ZYG11B: variants seen among roughly 807,000 people sequenced by gnomAD.
ZYG11B encodes the protein protein zyg-11 homolog B.
A neutral mutation model predicts 82.4 loss-of-function variants in ZYG11B; 36 were observed. That is an observed-to-expected ratio of 0.44 (90% CI 0.33 to 0.58). ZYG11B has a LOEUF of 0.58. Ranked by LOEUF, ZYG11B falls within the 20% of genes least tolerant of loss-of-function variation. The pLI, the probability that ZYG11B is intolerant of heterozygous loss-of-function variation, is 0.02. For synonymous variants in ZYG11B, 303 were observed against 312.8 expected (o/e 0.97, Z 0.33); for missense variants, 552 against 895.6 (o/e 0.62, Z 4.90).
rs568779294 is a variant in ZYG11B at position 52,794,035 on chromosome 1, C to T, written c.1335-2257C>T. ...CTGTCGCCAGGCTGGAGTGCAGTGG[C>T]GTGATCTCAGCTCACTGCAGCCTCT... On this transcript the variant is annotated intron_variant, in intron 6 of 13. Coordinates refer to ENST00000294353, the MANE Select transcript of ZYG11B (RefSeq NM_024646.3). Among the ~76,000 whole-genome samples the T allele has an allele frequency of 7.3e-5, 11 of 151,718 alleles. 1 individual carries two copies. In the South Asian group the frequency reaches 1.7e-3, roughly 23 times the overall value.
In ZYG11B at chr1:52,801,805, T is replaced by G. The variant is rs72895408; in HGVS notation, c.1486-14T>G. On this transcript the variant is annotated splice_polypyrimidine_tract_variant and intron_variant, in intron 8 of 13. Coordinates refer to ENST00000294353, the MANE Select transcript of ZYG11B (RefSeq NM_024646.3). ...TCAAAAGTGAAAACTTATTTCTGTT[T>G]TTTTTTTTTTCAGCAACTTCTTCAA... 10,907 of 1,564,856 alleles carry G rather than the reference T, an allele frequency of 7.0e-3. 468 individuals are homozygous for G. In the African/African-American group the frequency reaches 0.13, roughly 18 times the overall value.
At chr1:52,758,653 A>C (rs1038647967) in intron 2 of ZYG11B, among the ~76,000 whole-genome samples, 1 of 152,162 alleles carries the variant, frequency 6.6e-6, no homozygotes, top group Non-Finnish European at 1.5e-5. Context: ...AGTGCCAATA[A>C]TGTGTTCCAA....
chr1:52,800,218 G>C (rs969832395), intron 8 of ZYG11B, among the ~76,000 whole-genome samples: 2 of 150,864 alleles, frequency 1.3e-5, no homozygotes, highest in African/African-American at 4.9e-5. Flanking sequence ...CAAGTCTACA[G>C]CGAACTATAA....
At chr1:52,797,462 T>C (rs1645034482) in intron 8 of ZYG11B, among the ~76,000 whole-genome samples, 1 of 97,136 alleles carries the variant, frequency 1.0e-5, no homozygotes, top group East Asian at 3.1e-4. Context: ...TCATATATGA[T>C]ATATATATTA....
intron 8 of ZYG11B, 122 bp downstream of exon 8, chr1:52,796,906 ATAT>A (rs1645012466): frequency 2.9e-5 from 3 of 103,020 alleles, no homozygotes; most frequent in Admixed American, 1.7e-4. Flanking sequence ...ATAATTATAT[ATAT>A]ATTATATATT....
At chr1:52,787,997 T>C (rs1320763165) in intron 5 of ZYG11B, among the ~76,000 whole-genome samples, 2 of 152,026 alleles carry the variant, frequency 1.3e-5, no homozygotes, top group African/African-American at 4.8e-5. Flanking sequence ...TCTTAAAAAA[T>C]GAATAAGATT....
At chr1:52,733,552 A>G (rs1445243594) in intron 1 of ZYG11B, among the ~76,000 whole-genome samples, 1 of 152,006 alleles carries the variant, frequency 6.6e-6, no homozygotes, top group Non-Finnish European at 1.5e-5. Context: ...TCTCAGCTAC[A>G]CAGGATGCTG....
chr1:52,771,090 C>A lies in ZYG11B; in HGVS notation c.267C>A (p.Arg89=). ...NQMRLKRACI[R]KAKISAVAFR... ...TGCGCTTAAAGCGAGCCTGCATTCG[C>A]AAAGCAAAGATCTCTGCTGTTGCTT... is the stretch of plus-strand genomic sequence containing the variant. Residue 89 remains arginine (R), a synonymous_variant, in exon 3 of 14, where the codon CGC becomes CGA. Transcript: ENST00000294353. The surrounding 1 kb of genome is among the most constrained non-coding windows in gnomAD (Gnocchi z 5.4). 1 of 1,614,192 alleles carries A rather than the reference C, an allele frequency of 6.2e-7. No homozygotes were observed. The highest frequency in any genetic ancestry group is 8.5e-7 in the Non-Finnish European group (1 of 1,180,040).
At position 52,732,763 on chromosome 1, in the gene ZYG11B, CA is replaced by C. The variant is rs899318347; in HGVS notation, c.30+6090del. ...CTGGCGACAGAGCAAGACTCTGTCTCAAAAAAAAAAGGCCACCCTGGCCAAT... is the reference window on the plus strand; with the variant it reads ...CTGGCGACAGAGCAAGACTCTGTCTCAAAAAAAAAGGCCACCCTGGCCAAT... On this transcript the variant is annotated intron_variant, in intron 1 of 13. Coordinates refer to ENST00000294353, the MANE Select transcript of ZYG11B (RefSeq NM_024646.3). Among the ~76,000 whole-genome samples the C allele has an allele frequency of 3.6e-3, 516 of 142,596 alleles. 4 individuals are homozygous for C. The highest frequency in any genetic ancestry group is 0.013 in the African/African-American group (487 of 38,672). The allele number at this position is 142,596 out of a possible 152,430, so 93.5% of individuals were successfully genotyped here.
chr1:52,791,388 G>A (rs1644958402), intron 6 of ZYG11B, among the ~76,000 whole-genome samples: 1 of 150,378 alleles, frequency 6.6e-6, no homozygotes, highest in Non-Finnish European at 1.5e-5. Flanking sequence ...TTTTTTTTGA[G>A]ATGGAATTTC....
chr1:52,765,319 C>G (rs928262184), intron 2 of ZYG11B, among the ~76,000 whole-genome samples: 1 of 152,102 alleles, frequency 6.6e-6, no homozygotes, highest in Non-Finnish European at 1.5e-5. Context: ...CCTCCTGCCT[C>G]AGCCTCCTAA....
rs368476829 is a variant in ZYG11B at position 52,796,761 on chromosome 1, G to A, written c.1462G>A (p.Gly488Ser). Residue 488 changes from glycine to serine, a missense_variant, in exon 8 of 14, where the codon GGT (glycine) becomes AGT (serine). Around this residue, in one of 3 missense-constraint regions of ZYG11B, gnomAD observed 66 missense variants for 176.4 expected, o/e 0.37. Transcript: ENST00000294353. ...KLSTEQTAQL[G>S]TELFIVRQLL... The stretch of plus-strand genomic sequence containing the variant: ...TTCTACAGAACAAACTGCACAGCTT[G>A]GTACTGAGCTCTTCATTGTCAGGGT... 1 of 1,579,678 alleles carries A rather than the reference G, an allele frequency of 6.3e-7. No homozygotes were observed. Among genetic ancestry groups the A allele is most frequent in the Non-Finnish European group, 8.6e-7 (1 of 1,165,826 alleles).
intron 10 of ZYG11B, among the ~76,000 whole-genome samples, chr1:52,812,059 T>G (rs959365033): frequency 2.0e-5 from 3 of 152,106 alleles, no homozygotes; most frequent in African/African-American, 7.2e-5. Flanking sequence ...TAGGTCTTTC[T>G]TATGTCTTCA....
intron 1 of ZYG11B, among the ~76,000 whole-genome samples, chr1:52,746,734 C>CTTTTT (rs1644481110): frequency 6.2e-5 from 2 of 32,138 alleles, no homozygotes; most frequent in African/African-American, 2.1e-4. Flanking sequence ...ATTGTTTTTC[C>CTTTTT]TATTTGCTAT....
intron 13 of ZYG11B, among the ~76,000 whole-genome samples, chr1:52,817,801 ATATATATATATATATTTT>A (rs1645244643): frequency 2.2e-5 from 1 of 44,638 alleles, no homozygotes; most frequent in African/African-American, 8.4e-5. Flanking sequence ...ATATATATAT[ATATATATATATATATTTT>A]TTTTTTTTTT....
At chr1:52,748,847 A>G (rs2149925550) in intron 1 of ZYG11B, among the ~76,000 whole-genome samples, 1 of 147,782 alleles carries the variant, frequency 6.8e-6, no homozygotes, top group Non-Finnish European at 1.5e-5. Context: ...GGTTGTGGTG[A>G]GCCAAGATCA....
chr1:52,768,028 T>A (rs1273518813), intron 2 of ZYG11B, among the ~76,000 whole-genome samples: 1 of 152,180 alleles, frequency 6.6e-6, no homozygotes, highest in Admixed American at 6.5e-5. Flanking sequence ...GTGGGCAGAT[T>A]GGGGCAAGTA....
chr1:52,797,171 TA>T (rs1456644319), intron 8 of ZYG11B, among the ~76,000 whole-genome samples: 1 of 60,988 alleles, frequency 1.6e-5, no homozygotes, highest in African/African-American at 1.4e-4. Flanking sequence ...TATTATATAT[TA>T]TATATATTTA....
chr1:52,783,274 A>G (rs1238910606), intron 4 of ZYG11B, among the ~76,000 whole-genome samples: 1 of 152,146 alleles, frequency 6.6e-6, no homozygotes, highest in Admixed American at 6.5e-5. Context: ...GCAAAGAAAA[A>G]AGATGGTAAT....
Sources: gnomAD v4.1 joint callset for allele counts (sites outside exome capture counted in the v4.1 genomes callset) on GRCh38, gnomAD v4.1.1 for gene constraint, gnomAD v4.1.1 regional missense constraint, Gnocchi (gnomAD v3.1) non-coding constraint, MANE v1.5 for transcripts, NCBI Gene and HGNC (gene_info 2026-07-23, HGNC 2026-07-21) for gene names.